GPC5: variants seen among roughly 807,000 people sequenced by gnomAD.
The protein encoded by GPC5 is glypican-5.
A neutral mutation model predicts 53.9 loss-of-function variants in GPC5; 47 were observed. The observed-to-expected ratio is 0.87, with a 90% CI of 0.69 to 1.11. The LOEUF (loss-of-function observed/expected upper bound fraction) is 1.11. Among genes scored for constraint, GPC5 ranks in the 50% most tolerant of loss-of-function variants. The pLI is 0.00. For synonymous variants in GPC5, 286 were observed against 263.3 expected, an observed-to-expected ratio of 1.09 and a Z score of -0.84; for missense variants, 748 against 713.1, an observed-to-expected ratio of 1.05 and a Z score of -0.56.
intron 6 of GPC5, among the ~76,000 whole-genome samples, chr13:92,054,225 G>GCA (rs139252331): frequency 7.0e-4 from 102 of 145,924 alleles, no homozygotes; most frequent in African/African-American, 2.5e-3. Flanking sequence ...TGTTTATTAA[G>GCA]CACACACACA....
chr13:92,675,223 T>C (rs1886898039), intron 7 of GPC5, among the ~76,000 whole-genome samples: 2 of 152,118 alleles, frequency 1.3e-5, no homozygotes, highest in South Asian at 4.1e-4. Context: ...TATAGGCAAA[T>C]ACTTTGTCAC....
At chr13:91,404,684 T>A (rs1205317684) in intron 1 of GPC5, among the ~76,000 whole-genome samples, 1 of 152,228 alleles carries the variant, frequency 6.6e-6, no homozygotes, top group Non-Finnish European at 1.5e-5. Flanking sequence ...ATGGCTACTA[T>A]GTAAGTTGAA....
At chr13:92,408,175 G>T (rs1875876569) in intron 7 of GPC5, among the ~76,000 whole-genome samples, 1 of 152,164 alleles carries the variant, frequency 6.6e-6, no homozygotes, top group South Asian at 2.1e-4. Context: ...CCATGCGAGG[G>T]ATCTAGGTTG....
In GPC5 at chr13:92,385,447, T is replaced by TAC. The variant is rs1457119315; in HGVS notation, c.1561+240459_1561+240460insCA. On this transcript the variant is annotated intron_variant, in intron 7 of 7. Coordinates refer to ENST00000377067, the MANE Select transcript of GPC5 (RefSeq NM_004466.6). ...ATATATACATATATACATATATACA[T>TAC]ATATACATATATACACATATATACA... 2.0e-4 allele frequency among the ~76,000 whole-genome samples: 24 copies of TAC among 118,100 alleles called. 2 individuals are homozygous for TAC. The highest frequency in any genetic ancestry group is 2.2e-4 in the Non-Finnish European group (13 of 58,270). The allele number at this position is 118,100 out of a possible 152,430, so 77.5% of individuals were successfully genotyped here. A position where few individuals can be genotyped will look rare whatever the true frequency, so the allele number is the denominator to read the frequency against.
intron 2 of GPC5, among the ~76,000 whole-genome samples, chr13:91,626,829 CCCA>C (rs2034016050): frequency 6.6e-6 from 1 of 151,934 alleles, no homozygotes; most frequent in East Asian, 1.9e-4. Context: ...TTCCCCCAAC[CCCA>C]CAACAGGCCC....
intron 1 of GPC5, among the ~76,000 whole-genome samples, chr13:91,417,438 C>G (rs1878315879): frequency 6.6e-6 from 1 of 152,134 alleles, no homozygotes; most frequent in Non-Finnish European, 1.5e-5. Context: ...CGTAGATTCT[C>G]TAAAGACAAG....
intron 2 of GPC5, among the ~76,000 whole-genome samples, chr13:91,490,092 T>TA (rs1883856052): frequency 6.6e-6 from 1 of 152,200 alleles, no homozygotes; most frequent in Admixed American, 6.5e-5. Flanking sequence ...AGATTATTAT[T>TA]ATTATGGTAA....
chr13:91,429,601 C>G (rs919252441), intron 1 of GPC5, among the ~76,000 whole-genome samples: 1 of 151,912 alleles, frequency 6.6e-6, no homozygotes, highest in Admixed American at 6.6e-5. Flanking sequence ...CTCACCTGGG[C>G]GAGAAATAGT....
At chr13:91,806,494 T>A (rs1347935083) in intron 5 of GPC5, among the ~76,000 whole-genome samples, 1 of 152,238 alleles carries the variant, frequency 6.6e-6, no homozygotes, top group East Asian at 1.9e-4. Flanking sequence ...AGGATTCAAA[T>A]GAATGCATGG....
intron 2 of GPC5, among the ~76,000 whole-genome samples, chr13:91,637,126 G>T (rs751020773): frequency 1.9e-4 from 29 of 152,140 alleles, no homozygotes; most frequent in Non-Finnish European, 2.9e-4. Flanking sequence ...TTGTAGAAAG[G>T]TTGAGGTCTG....
chr13:91,628,210 G>A (rs1022111970), intron 2 of GPC5, among the ~76,000 whole-genome samples: 2 of 151,750 alleles, frequency 1.3e-5, no homozygotes, highest in African/African-American at 4.8e-5. Flanking sequence ...ATATAATGTA[G>A]GTTATTAAAA....
At chr13:92,416,917 G>A (rs1002815825) in intron 7 of GPC5, among the ~76,000 whole-genome samples, 5 of 152,044 alleles carry the variant, frequency 3.3e-5, no homozygotes, top group Non-Finnish European at 1.5e-5. Flanking sequence ...ACATACAGAT[G>A]TAAATACAGA....
intron 6 of GPC5, among the ~76,000 whole-genome samples, chr13:92,113,703 C>T (rs1302365909): frequency 1.3e-5 from 2 of 151,888 alleles, no homozygotes; most frequent in African/African-American, 2.4e-5. Context: ...TGGTATCAAA[C>T]TCTAAAATAT....
At chr13:92,224,635 T>A (rs2042471701) in intron 7 of GPC5, among the ~76,000 whole-genome samples, 1 of 152,238 alleles carries the variant, frequency 6.6e-6, no homozygotes, top group Admixed American at 6.5e-5. Context: ...TTTTTCATTT[T>A]CAGATAGTCT....
chr13:92,776,801 A>C (rs988496475), intron 7 of GPC5, among the ~76,000 whole-genome samples: 2 of 152,084 alleles, frequency 1.3e-5, no homozygotes, highest in African/African-American at 4.8e-5. Flanking sequence ...AACTGCAGAC[A>C]GTCTCCTTGT....
intron 7 of GPC5, among the ~76,000 whole-genome samples, chr13:92,508,860 C>G (rs1002317350): frequency 1.3e-5 from 2 of 152,240 alleles, no homozygotes; most frequent in Admixed American, 6.5e-5. Flanking sequence ...TAATTGAAAT[C>G]AGAAGACGGT....
At chr13:91,437,636 C>T (rs1003085944) in intron 1 of GPC5, among the ~76,000 whole-genome samples, 1 of 152,124 alleles carries the variant, frequency 6.6e-6, no homozygotes, top group Non-Finnish European at 1.5e-5. Flanking sequence ...AATTATGTGT[C>T]TTGGAGTTGC....
intron 7 of GPC5, among the ~76,000 whole-genome samples, chr13:92,513,882 G>A (rs1880673489): frequency 6.6e-6 from 1 of 152,084 alleles, no homozygotes; most frequent in African/African-American, 2.4e-5. Context: ...ATCACATGAA[G>A]TCAGTGTGGA....
chr13:92,568,608 AAT>A (rs1234982699), intron 7 of GPC5, among the ~76,000 whole-genome samples: 9 of 152,174 alleles, frequency 5.9e-5, no homozygotes, highest in Non-Finnish European at 1.3e-4. Flanking sequence ...ATTTGTTTTG[AAT>A]AAATATATGA....
Sources: allele counts gnomAD v4.1 joint callset (sites outside exome capture counted in the v4.1 genomes callset), GRCh38; gene constraint gnomAD v4.1.1; transcripts MANE v1.5; gene names NCBI Gene and HGNC (gene_info 2026-07-23, HGNC 2026-07-21).